Variants in GPC5 observed in about 807,000 individuals in gnomAD.
The protein encoded by GPC5 is glypican 5.
In GPC5, 47 loss-of-function variants were observed where a neutral mutation model predicts 53.9. The ratio of observed to expected loss-of-function variants is 0.87; its 90% confidence interval spans 0.69 to 1.11. The LOEUF is 1.11. GPC5 is among the 50% of genes most tolerant of loss of function. GPC5 has a pLI of 0.00. For missense variants in GPC5, 748 were observed against 713.1 expected (o/e 1.05, Z -0.56); for synonymous variants, 286 against 263.3 (o/e 1.09, Z -0.84).
At chr13:92,356,863 C>T (rs370005089) in intron 7 of GPC5, among the ~76,000 whole-genome samples, 4 of 152,146 alleles carry the variant, frequency 2.6e-5, no homozygotes, top group African/African-American at 7.2e-5. Context: ...TTCCTCCTCC[C>T]CACTCCACCT....
At chr13:91,937,972 G>A (rs1018374942) in intron 6 of GPC5, among the ~76,000 whole-genome samples, 3 of 151,928 alleles carry the variant, frequency 2.0e-5, no homozygotes, top group Admixed American at 6.6e-5. Flanking sequence ...ATATGTATTT[G>A]AATAATATTT....
At chr13:92,486,851 G>C (rs963882388) in intron 7 of GPC5, among the ~76,000 whole-genome samples, 4 of 125,450 alleles carry the variant, frequency 3.2e-5, no homozygotes, top group African/African-American at 6.0e-5. Flanking sequence ...AGATAACACA[G>C]GGGACAGGGA....
At chr13:91,611,010 T>G (rs2033530671) in intron 2 of GPC5, among the ~76,000 whole-genome samples, 1 of 152,210 alleles carries the variant, frequency 6.6e-6, no homozygotes. Flanking sequence ...TTTTTAATCT[T>G]TCAGCATGTC....
intron 2 of GPC5, among the ~76,000 whole-genome samples, chr13:91,649,247 A>G (rs1594378611): frequency 2.0e-5 from 3 of 152,290 alleles, no homozygotes; most frequent in Admixed American, 2.0e-4. Context: ...GCAGTTCCTT[A>G]TAGCAGTGTG....
intron 6 of GPC5, among the ~76,000 whole-genome samples, chr13:92,019,525 T>C (rs1375787427): frequency 6.6e-6 from 1 of 152,084 alleles, no homozygotes; most frequent in Non-Finnish European, 1.5e-5. Context: ...ATGCAGAATA[T>C]AATATGAATC....
chr13:92,048,275 TA>T (rs1256516376), intron 6 of GPC5, among the ~76,000 whole-genome samples: 1 of 116,236 alleles, frequency 8.6e-6, no homozygotes, highest in Non-Finnish European at 1.9e-5. Flanking sequence ...TTGTAACATA[TA>T]TTATATGTAA....
chr13:91,516,204 A>G (rs965703594), intron 2 of GPC5, among the ~76,000 whole-genome samples: 5 of 152,126 alleles, frequency 3.3e-5, no homozygotes, highest in African/African-American at 1.2e-4. Context: ...GCATTAACCC[A>G]AAAGTCCACA....
intron 7 of GPC5, among the ~76,000 whole-genome samples, chr13:92,719,701 C>G (rs1371752260): frequency 1.3e-5 from 2 of 152,012 alleles, no homozygotes; most frequent in Non-Finnish European, 2.9e-5. Flanking sequence ...GATAAAGAAG[C>G]AGTTTTGGGG....
intron 6 of GPC5, among the ~76,000 whole-genome samples, chr13:91,990,708 T>G (rs2040449004): frequency 6.6e-6 from 1 of 152,240 alleles, no homozygotes; most frequent in African/African-American, 2.4e-5. Flanking sequence ...TGTGCAGAGA[T>G]GAAGGGGCTT....
At chr13:92,628,221 T>A (rs557614973) in intron 7 of GPC5, among the ~76,000 whole-genome samples, 1 of 150,938 alleles carries the variant, frequency 6.6e-6, no homozygotes, top group African/African-American at 2.4e-5. Flanking sequence ...TTAAATCTAT[T>A]CTTGAGAATC....
intron 5 of GPC5, among the ~76,000 whole-genome samples, chr13:91,813,675 T>C (rs2038350681): frequency 6.6e-6 from 1 of 152,124 alleles, no homozygotes; most frequent in Non-Finnish European, 1.5e-5. Flanking sequence ...TTAGAAAAGG[T>C]GCCAGGCATT....
chr13:91,673,425 A>G (rs138435569), intron 2 of GPC5, among the ~76,000 whole-genome samples: 1 of 152,302 alleles, frequency 6.6e-6, no homozygotes, highest in African/African-American at 2.4e-5. Context: ...ACCATCGATG[A>G]CATAACAACT....
chr13:91,595,493 C>T (rs2032961274), intron 2 of GPC5, among the ~76,000 whole-genome samples: 1 of 152,046 alleles, frequency 6.6e-6, no homozygotes, highest in African/African-American at 2.4e-5. Flanking sequence ...ATTATTCAGA[C>T]ATATGTTTTA....
intron 7 of GPC5, among the ~76,000 whole-genome samples, chr13:92,390,402 A>C (rs1874939347): frequency 6.6e-6 from 1 of 152,118 alleles, no homozygotes; most frequent in Admixed American, 6.6e-5. Flanking sequence ...GATTTTTTTC[A>C]AAAACATAAG....
At chr13:92,534,961 C>G (rs1845171213) in intron 7 of GPC5, among the ~76,000 whole-genome samples, 1 of 152,108 alleles carries the variant, frequency 6.6e-6, no homozygotes, top group African/African-American at 2.4e-5. Context: ...TAATCATTTC[C>G]TTGATCTTAG....
At chr13:91,506,037 A>C (rs1278215316) in intron 2 of GPC5, among the ~76,000 whole-genome samples, 2 of 152,182 alleles carry the variant, frequency 1.3e-5, no homozygotes, top group Admixed American at 6.5e-5. Flanking sequence ...ACGGGTTTGC[A>C]CAGATTCTAT....
intron 3 of GPC5, among the ~76,000 whole-genome samples, chr13:91,714,777 C>T (rs1325392414): frequency 1.3e-5 from 2 of 151,946 alleles, no homozygotes; most frequent in African/African-American, 4.8e-5. Flanking sequence ...CCCAGTGATG[C>T]AGGACAGGTG....
chr13:92,278,742 A>G (rs1415568204), intron 7 of GPC5, among the ~76,000 whole-genome samples: 1 of 151,852 alleles, frequency 6.6e-6, no homozygotes, highest in African/African-American at 2.4e-5. Flanking sequence ...TATTCTTTAG[A>G]ATATGTTTTT....
chr13:91,475,328 C>T (rs532817753), intron 2 of GPC5, among the ~76,000 whole-genome samples: 15 of 152,146 alleles, frequency 9.9e-5, no homozygotes, highest in Admixed American at 2.6e-4. Context: ...TAGGCAATGC[C>T]GATGCTGTTA....
Sources: allele counts gnomAD v4.1 joint callset (sites outside exome capture counted in the v4.1 genomes callset), GRCh38; gene constraint gnomAD v4.1.1; transcripts MANE v1.5; gene names NCBI Gene and HGNC (gene_info 2026-07-23, HGNC 2026-07-21).